The following SLC8A1 variants were observed in gnomAD, a reference collection of about 807,000 sequenced individuals.
The protein encoded by SLC8A1 is sodium/calcium exchanger 1.
A neutral mutation model predicts 68.3 loss-of-function variants in SLC8A1; 18 were observed. That is an observed-to-expected ratio of 0.26 (90% CI 0.18 to 0.39). The LOEUF (loss-of-function observed/expected upper bound fraction) is 0.39, where lower values mean the gene tolerates loss of function less well. Ranked by LOEUF, SLC8A1 falls within the 10% of genes least tolerant of loss-of-function variation. The probability of loss-of-function intolerance (pLI) is 1.00; values close to 1 mark genes in which losing one functional copy is unlikely to be tolerated. For synonymous variants in SLC8A1, 475 were observed against 415.5 expected, an observed-to-expected ratio of 1.14 and a Z score of -1.74; for missense variants, 985 against 1,156.7, an observed-to-expected ratio of 0.85 and a Z score of 2.15.
Position 40,288,834 on chromosome 2 carries a change from C to CATATATAT in SLC8A1, c.1809-110987_1809-110980dup, listed in dbSNP as rs145077257. 1.9e-3 allele frequency among the ~76,000 whole-genome samples: 256 copies of CATATATAT among 132,664 alleles called. 9 individuals are homozygous for CATATATAT. Among genetic ancestry groups the CATATATAT allele is most frequent in the African/African-American group, 8.3e-3 (243 of 29,394 alleles). 87.0% of individuals were successfully genotyped at this position (132,664 alleles called of 152,430 possible). On this transcript the variant is annotated intron_variant, in intron 2 of 7. Transcript: ENST00000406785. ...TTCGAAAATGTCTCTACTAAGTAAT[C>CATATATAT]ATATATATATATATATATGTATATA...
chr2:40,159,478 G>A (rs1004526101), intron 6 of SLC8A1, among the ~76,000 whole-genome samples: 19 of 152,226 alleles, frequency 1.2e-4, no homozygotes, highest in African/African-American at 4.3e-4. Flanking sequence ...ATATGTCAAG[G>A]CCCATAAAAG....
chr2:40,488,281 C>T (rs1176280862), intron 1 of SLC8A1, among the ~76,000 whole-genome samples: 1 of 151,730 alleles, frequency 6.6e-6, no homozygotes, highest in Non-Finnish European at 1.5e-5. Context: ...TAATCCTCCT[C>T]TCCCCTCCTG....
upstream of SLC8A1, among the ~76,000 whole-genome samples, chr2:40,452,268 G>A (rs1289645274): frequency 2.6e-5 from 4 of 151,216 alleles, no homozygotes; most frequent in African/African-American, 4.8e-5. Context: ...GCGCCCCGGG[G>A]CCCCCTGCGC....
At chr2:40,326,165 C>A (rs989489522) in intron 2 of SLC8A1, among the ~76,000 whole-genome samples, 9 of 152,134 alleles carry the variant, frequency 5.9e-5, no homozygotes, top group African/African-American at 2.2e-4. Flanking sequence ...CTCATTTGCA[C>A]CAGCCTCTTC....
At chr2:40,156,999 T>A (rs1259139321) in intron 6 of SLC8A1, among the ~76,000 whole-genome samples, 2 of 152,204 alleles carry the variant, frequency 1.3e-5, no homozygotes, top group Non-Finnish European at 2.9e-5. Flanking sequence ...GTTTTGCTTC[T>A]TGAGCAAGTA....
At chr2:40,486,052 G>T (rs747344773) in intron 1 of SLC8A1, among the ~76,000 whole-genome samples, 21 of 152,166 alleles carry the variant, frequency 1.4e-4, no homozygotes, top group South Asian at 2.1e-4. Flanking sequence ...AAACATGGGA[G>T]CAGTTACCTT....
intron 2 of SLC8A1, among the ~76,000 whole-genome samples, chr2:40,333,250 A>G (rs1450166013): frequency 6.6e-6 from 1 of 152,040 alleles, no homozygotes. Context: ...CATCCTGGCT[A>G]ACACGGTGAA....
At chr2:40,209,165 G>A (rs1049001978) in intron 2 of SLC8A1, 1 of 152,144 alleles carries the variant, frequency 6.6e-6, no homozygotes, top group East Asian at 1.9e-4. Context: ...CTAGGGAGAT[G>A]AGGAGTAATG....
intron 2 of SLC8A1, among the ~76,000 whole-genome samples, chr2:40,371,262 A>G (rs1205321789): frequency 6.6e-6 from 1 of 152,074 alleles, no homozygotes; most frequent in African/African-American, 2.4e-5. Flanking sequence ...TTGATAAAGT[A>G]GAAGCAAATT....
intron 2 of SLC8A1, among the ~76,000 whole-genome samples, chr2:40,225,775 G>A (rs1318626659): frequency 6.6e-6 from 1 of 152,148 alleles, no homozygotes; most frequent in Non-Finnish European, 1.5e-5. Context: ...GCCTTTTGGT[G>A]ACACCACAAC....
At chr2:40,159,577 A>G (rs187541794) in intron 6 of SLC8A1, among the ~76,000 whole-genome samples, 104 of 152,318 alleles carry the variant, frequency 6.8e-4, no homozygotes, top group Non-Finnish European at 1.1e-3. Context: ...GTGTCTGTGA[A>G]GAGGGAGTAT....
At chr2:40,186,426 G>A (rs935566399) in intron 2 of SLC8A1, among the ~76,000 whole-genome samples, 1 of 152,006 alleles carries the variant, frequency 6.6e-6, no homozygotes, top group African/African-American at 2.4e-5. Flanking sequence ...GGAAAGGGAG[G>A]AGCAGTCAGA....
At chr2:40,297,890 GT>G (rs1281254361) in intron 2 of SLC8A1, among the ~76,000 whole-genome samples, 1 of 151,938 alleles carries the variant, frequency 6.6e-6, no homozygotes, top group Admixed American at 6.6e-5. Flanking sequence ...TCTGTTTTTT[GT>G]TTTTTTGAAA....
At chr2:40,206,418 TA>T (rs2055457237) in intron 2 of SLC8A1, among the ~76,000 whole-genome samples, 1 of 152,108 alleles carries the variant, frequency 6.6e-6, no homozygotes, top group South Asian at 2.1e-4. Flanking sequence ...ATTCACTCCT[TA>T]CTCATTTCTT....
In SLC8A1 at chr2:40,397,535, A is replaced by G. The variant is rs1687375637; in HGVS notation, c.1808+30938T>C. On this transcript the variant is annotated intron_variant, in intron 2 of 7. Transcript: ENST00000406785. ...ATTGTGGGTGTGAAACCATCTACGC[A>G]CTTGAAAGTTTTCATGTTATCATTA... Among the ~76,000 whole-genome samples the G allele has an allele frequency of 2.0e-5, 3 of 152,196 alleles. No individual in the cohort carries two copies. The South Asian group carries it at 6.2e-4, about 32-fold the overall frequency.
intron 1 of SLC8A1, among the ~76,000 whole-genome samples, chr2:40,449,131 T>C (rs2149865039): frequency 6.7e-6 from 1 of 149,708 alleles, no homozygotes; most frequent in African/African-American, 2.5e-5. Flanking sequence ...AGAACTTGTC[T>C]CACTGAATTG....
intron 1 of SLC8A1, among the ~76,000 whole-genome samples, chr2:40,485,278 A>G (rs761250310): frequency 1.6e-4 from 25 of 152,158 alleles, no homozygotes; most frequent in Non-Finnish European, 3.1e-4. Context: ...TCTAAATTGG[A>G]ACTACATCAA....
At chr2:40,336,335 A>G (rs1665966494) in intron 2 of SLC8A1, among the ~76,000 whole-genome samples, 1 of 152,220 alleles carries the variant, frequency 6.6e-6, no homozygotes. Flanking sequence ...AAACAAATTA[A>G]TGAATGAATA....
rs528233166 is a variant in SLC8A1 at position 40,225,666 on chromosome 2, A to G, written c.1809-47811T>C. On this transcript the variant is annotated intron_variant, in intron 2 of 7. Coordinates refer to ENST00000406785, the Ensembl canonical transcript of SLC8A1. ...CTTAATCTTAAAGCCGCGCTTGCCTATGTCTGTTAAATCCTTTATTTTTTC... is the reference window on the plus strand; with the variant it reads ...CTTAATCTTAAAGCCGCGCTTGCCTGTGTCTGTTAAATCCTTTATTTTTTC... 9.9e-5 allele frequency among the ~76,000 whole-genome samples: 15 copies of G among 152,244 alleles called. No individual in the cohort carries two copies. The South Asian group carries it at 2.9e-3, about 29-fold the overall frequency.
Sources: allele counts gnomAD v4.1 joint callset (sites outside exome capture counted in the v4.1 genomes callset), GRCh38; gene constraint gnomAD v4.1.1; transcripts MANE v1.5; gene names NCBI Gene and HGNC (gene_info 2026-07-23, HGNC 2026-07-21).